Variants in ACSF3 observed in about 807,000 individuals in gnomAD.
The protein encoded by ACSF3 is malonate--CoA ligase ACSF3, mitochondrial.
ACSF3 carries 78 observed loss-of-function variants against 53.2 expected under a neutral mutation model. That is an observed-to-expected ratio of 1.47 (90% CI 1.22 to 1.77). The LOEUF is 1.77. ACSF3 is among the 40% of genes most tolerant of loss of function. The pLI is 0.00. For synonymous variants in ACSF3, 414 were observed against 333.1 expected (o/e 1.24, Z -2.65); for missense variants, 937 against 771.1 (o/e 1.22, Z -2.55).
chr16:89,142,114 A>G (rs762178167), intron 8 of ACSF3, among the ~76,000 whole-genome samples: 1 of 152,078 alleles, frequency 6.6e-6, no homozygotes, highest in Non-Finnish European at 1.5e-5. Context: ...CTCAGTGGAA[A>G]CCGTGCGTGC....
At position 89,143,178 on chromosome 16, in the gene ACSF3, G is replaced by A. The variant is rs117575913; in HGVS notation, c.1367-2089G>A. ...TCCCAGCATCAGCCTGGTGTGTAAC[G>A]GTGGTACATCCTCAGTGCCGTGCGT... is the stretch of plus-strand genomic sequence containing the variant. On this transcript the variant is annotated intron_variant, in intron 8 of 10. Coordinates refer to ENST00000614302, the MANE Select transcript of ACSF3 (RefSeq NM_001243279.3). 1.7e-3 allele frequency among the ~76,000 whole-genome samples: 260 copies of A among 152,328 alleles called. 6 individuals carry two copies. The East Asian group carries it at 0.04, about 24-fold the overall frequency.
intron 8 of ACSF3, chr16:89,141,066 G>T (rs941133173): frequency 1.1e-5 from 14 of 1,269,508 alleles, no homozygotes; most frequent in African/African-American, 3.1e-5. Context: ...GCATTTCACA[G>T]TGATCGCAAG....
At chr16:89,123,482 G>A (rs1907161309) in intron 7 of ACSF3, among the ~76,000 whole-genome samples, 1 of 152,174 alleles carries the variant, frequency 6.6e-6, no homozygotes, top group African/African-American at 2.4e-5. Context: ...CCGGATCCAC[G>A]TGGCTCAAGT....
At chr16:89,117,418 T>C (rs1905322284) in intron 6 of ACSF3, among the ~76,000 whole-genome samples, 1 of 152,104 alleles carries the variant, frequency 6.6e-6, no homozygotes, top group African/African-American at 2.4e-5. Flanking sequence ...TAGCCTTTTT[T>C]ACTGGAACAG....
At chr16:89,131,127 CTT>C (rs558773398) in intron 7 of ACSF3, among the ~76,000 whole-genome samples, 163 of 69,516 alleles carry the variant, frequency 2.3e-3, no homozygotes, top group Admixed American at 3.8e-3. Flanking sequence ...TTTTCTTTTT[CTT>C]TTTTTTTTTT....
intron 6 of ACSF3, 171 bp downstream of exon 6, chr16:89,114,658 C>G (rs1187783721): frequency 1.1e-6 from 1 of 938,046 alleles, no homozygotes; most frequent in Admixed American, 2.0e-5. Flanking sequence ...GACCTGTCCC[C>G]TCTGGGTAGA....
chr16:89,098,611 G>C lies in ACSF3; in HGVS notation c.-173G>C. On this transcript the variant is annotated 5_prime_UTR_variant, in exon 2 of 11. Coordinates refer to ENST00000614302, the MANE Select transcript of ACSF3 (RefSeq NM_001243279.3). ...GACAGGTGTCCCACCGGCCTTCCGG[G>C]TTCCAGCGCCAGGCCTGGTGCCTGC... 2.2e-6 allele frequency: 1 copy of C among 452,596 alleles called. No homozygotes were observed. The highest frequency in any genetic ancestry group is 1.6e-5 in the South Asian group (1 of 64,462). The allele number at this position is 452,596 out of a possible 1,614,324, so 28.0% of individuals were successfully genotyped here. A position where few individuals can be genotyped will look rare whatever the true frequency, so the allele number is the denominator to read the frequency against.
intron 7 of ACSF3, among the ~76,000 whole-genome samples, chr16:89,128,698 G>A (rs1908663083): frequency 6.6e-6 from 1 of 152,050 alleles, no homozygotes; most frequent in Admixed American, 6.5e-5. Flanking sequence ...TTATCTTTCT[G>A]TTACTGATTT....
At chr16:89,118,494 G>T (rs1477984997) in intron 6 of ACSF3, among the ~76,000 whole-genome samples, 1 of 152,244 alleles carries the variant, frequency 6.6e-6, no homozygotes. Context: ...TGACCCTTGG[G>T]TCGGCTCCAG....
At chr16:89,115,803 G>A (rs753486085) in intron 6 of ACSF3, among the ~76,000 whole-genome samples, 1 of 152,208 alleles carries the variant, frequency 6.6e-6, no homozygotes, top group South Asian at 2.1e-4. Context: ...GATGGGTGGC[G>A]TTGAGCACCT....
intron 8 of ACSF3, among the ~76,000 whole-genome samples, chr16:89,143,829 G>A (rs938806673): frequency 5.9e-5 from 9 of 152,204 alleles, no homozygotes; most frequent in East Asian, 1.9e-4. Context: ...ACACCCATCC[G>A]TCTTGTTTAA....
chr16:89,096,182 G>A (rs182965376), intron 1 of ACSF3, among the ~76,000 whole-genome samples: 1 of 152,264 alleles, frequency 6.6e-6, no homozygotes, highest in Admixed American at 6.5e-5. Flanking sequence ...GCCACGTGGT[G>A]ACGCCGCTGA....
chr16:89,146,696 C>T (rs1244597310), intron 10 of ACSF3, among the ~76,000 whole-genome samples: 2 of 152,332 alleles, frequency 1.3e-5, no homozygotes, highest in South Asian at 2.1e-4. Flanking sequence ...GGCCACCACC[C>T]AGTCCTTAAA....
At chr16:89,123,996 G>C (rs977069832) in intron 7 of ACSF3, among the ~76,000 whole-genome samples, 2 of 140,350 alleles carry the variant, frequency 1.4e-5, no homozygotes, top group Non-Finnish European at 1.6e-5. Flanking sequence ...ATCACATGCA[G>C]TGCACACACA....
At chr16:89,094,493 A>G (rs1974380166) in intron 1 of ACSF3, among the ~76,000 whole-genome samples, 1 of 152,180 alleles carries the variant, frequency 6.6e-6, no homozygotes, top group Non-Finnish European at 1.5e-5. Flanking sequence ...CCGGCCGTGA[A>G]GTATTTGGAA....
At chr16:89,122,010 C>T (rs1279078285) in intron 7 of ACSF3, among the ~76,000 whole-genome samples, 1 of 151,388 alleles carries the variant, frequency 6.6e-6, no homozygotes, top group African/African-American at 2.4e-5. Flanking sequence ...GGCTGTTATC[C>T]CCCGTGGCCC....
At chr16:89,125,098 C>T (rs1907720600) in intron 7 of ACSF3, among the ~76,000 whole-genome samples, 1 of 152,194 alleles carries the variant, frequency 6.6e-6, no homozygotes, top group South Asian at 2.1e-4. Flanking sequence ...AATCCCAACA[C>T]TTTGGGAGGC....
chr16:89,144,835 C>T (rs947975156), intron 8 of ACSF3, among the ~76,000 whole-genome samples: 1 of 152,214 alleles, frequency 6.6e-6, no homozygotes, highest in African/African-American at 2.4e-5. Context: ...GCATCCCACC[C>T]ATGGCCAGTG....
intron 7 of ACSF3, among the ~76,000 whole-genome samples, chr16:89,121,955 G>T (rs1906746678): frequency 1.3e-5 from 2 of 152,152 alleles, no homozygotes. Context: ...ACCTTGTGTG[G>T]AGGGCCACAC....
Sources: gnomAD v4.1 joint callset for allele counts (sites outside exome capture counted in the v4.1 genomes callset) on GRCh38, gnomAD v4.1.1 for gene constraint, MANE v1.5 for transcripts, NCBI Gene and HGNC (gene_info 2026-07-23, HGNC 2026-07-21) for gene names.